The following SETX variants were observed in gnomAD, a reference collection of about 807,000 sequenced individuals.
The protein encoded by SETX is senataxin, also known as helicase senataxin.
SETX carries 90 observed loss-of-function variants against 227.2 expected under a neutral mutation model. That is an observed-to-expected ratio of 0.40 (90% CI 0.33 to 0.47). SETX has a LOEUF of 0.47. Ranked by LOEUF, SETX falls within the 20% of genes least tolerant of loss-of-function variation. The pLI is 0.91. For synonymous variants in SETX, 1,210 were observed against 1,113.2 expected (o/e 1.09, Z -1.73); for missense variants, 3,052 against 3,181.5 (o/e 0.96, Z 0.98).
chr9:132,267,961 G>T (rs773831040), intron 25 of SETX, among the ~76,000 whole-genome samples: 11 of 152,124 alleles, frequency 7.2e-5, no homozygotes, highest in Admixed American at 1.3e-4. Context: ...CTTTAATCAA[G>T]GCATCACTAA....
At chr9:132,353,044 T>C (rs956122085) in intron 2 of SETX, among the ~76,000 whole-genome samples, 1 of 152,204 alleles carries the variant, frequency 6.6e-6, no homozygotes, top group Admixed American at 6.5e-5. Context: ...AAATGATCTA[T>C]TTCTTCTTTG....
intron 23 of SETX, among the ~76,000 whole-genome samples, chr9:132,273,872 A>C (rs1843017488): frequency 6.6e-6 from 1 of 152,114 alleles, no homozygotes; most frequent in Admixed American, 6.5e-5. Context: ...ATCTCTCCTG[A>C]TCTTAGAGGA....
chr9:132,311,679 AAAT>A (rs1845667562), intron 11 of SETX, 75 bp downstream of exon 11: 4 of 1,079,216 alleles, frequency 3.7e-6, no homozygotes, highest in Admixed American at 2.0e-5. Flanking sequence ...CCCTAAATTC[AAAT>A]AATGCTATCT....
At chr9:132,349,169 C>G in intron 3 of SETX, 83 bp downstream of exon 3, 8 of 1,321,708 alleles carry the variant, frequency 6.1e-6, no homozygotes, top group Non-Finnish European at 8.7e-6. Flanking sequence ...CATCATTTCT[C>G]TGAATACTTC....
chr9:132,272,858 A>T (rs1401801044), intron 23 of SETX, among the ~76,000 whole-genome samples: 4 of 131,728 alleles, frequency 3.0e-5, no homozygotes, highest in African/African-American at 1.1e-4. Flanking sequence ...ACCACATAGT[A>T]CAAGTTATTT....
Position 132,327,290 on chromosome 9 carries a change from A to G in SETX, c.4308T>C (p.Ala1436=), listed in dbSNP as rs1285113721. The G allele has an allele frequency of 6.2e-7, 1 of 1,614,072 alleles. No individual in the cohort carries two copies. The highest frequency in any genetic ancestry group is 2.2e-5 in the East Asian group (1 of 44,888). ...AKHGSPATDD[A]CPLNQCDSVV... ...CAGAATCACACTGGTTCAAAGGGCAAGCATCATCAGTTGCTGGAGACCCAT... is the reference window on the plus strand; with the variant it reads ...CAGAATCACACTGGTTCAAAGGGCAGGCATCATCAGTTGCTGGAGACCCAT... Residue 1436 remains alanine, a synonymous_variant, in exon 10 of 26, where the codon GCT becomes GCC. Coordinates refer to ENST00000224140, the MANE Select transcript of SETX (RefSeq NM_015046.7).
At chr9:132,334,470 TA>T (rs1052863045) in intron 7 of SETX, 137 bp downstream of exon 7, 3 of 976,726 alleles carry the variant, frequency 3.1e-6, no homozygotes, top group Non-Finnish European at 3.2e-6. Flanking sequence ...CAAAACAAAA[TA>T]AAAAGTCTGA....
At chr9:132,290,839 CATAAATAA>C (rs111551397) in intron 15 of SETX, among the ~76,000 whole-genome samples, 12,694 of 151,400 alleles carry the variant, frequency 0.084, 783 homozygotes, top group African/African-American at 0.17. Context: ...AGACCAGTTT[CATAAATAA>C]ATAAATAAAT....
chr9:132,335,233 A>G (rs1230800279), intron 6 of SETX, among the ~76,000 whole-genome samples: 1 of 151,566 alleles, frequency 6.6e-6, no homozygotes, highest in Non-Finnish European at 1.5e-5. Flanking sequence ...TACTAAAAAT[A>G]CAAAAAAATT....
rs1259489075 is a variant in SETX, at chr9:132,262,815, TGAA to T, written c.*1421_*1423del. 7 of 152,512 alleles carry T rather than the reference TGAA, an allele frequency of 4.6e-5. No individual in the cohort carries two copies. The highest frequency in any genetic ancestry group is 3.9e-4 in the East Asian group (2 of 5,192). The allele number at this position is 152,512 out of a possible 1,614,324, so 9.4% of individuals were successfully genotyped here. On this transcript the variant is annotated 3_prime_UTR_variant, in exon 26 of 26. Coordinates refer to ENST00000224140, the MANE Select transcript of SETX (RefSeq NM_015046.7). Reference sequence around the variant, plus strand: ...CAAAGGAAATGTCAAATAATGCACATGAATCTTCAGCTATTTTCCTACCCCCAA... The same window carrying T: ...CAAAGGAAATGTCAAATAATGCACATTCTTCAGCTATTTTCCTACCCCCAA...
At chr9:132,311,704 G>C in intron 11 of SETX, 53 bp downstream of exon 11, 7 of 1,300,502 alleles carry the variant, frequency 5.4e-6, no homozygotes, top group Non-Finnish European at 7.7e-6. Context: ...CTCTTAATTA[G>C]AAATCTCCAA....
chr9:132,273,912 C>T (rs556023736), intron 23 of SETX, among the ~76,000 whole-genome samples: 26 of 151,566 alleles, frequency 1.7e-4, no homozygotes, highest in South Asian at 1.3e-3. Context: ...TGAAGTATAA[C>T]GTTAGCTATG....
intron 18 of SETX, among the ~76,000 whole-genome samples, chr9:132,284,847 T>C (rs1428442190): frequency 1.3e-5 from 2 of 151,912 alleles, no homozygotes; most frequent in African/African-American, 4.8e-5. Flanking sequence ...TTTTTTTTTT[T>C]AATAGTGAAA....
intron 10 of SETX, among the ~76,000 whole-genome samples, chr9:132,314,034 C>A (rs909362475): frequency 1.6e-4 from 25 of 151,970 alleles, no homozygotes; most frequent in Non-Finnish European, 3.4e-4. Context: ...TGGGTTCAAG[C>A]GATTCTCCCG....
At chr9:132,317,744 T>G (rs1321686392) in intron 10 of SETX, among the ~76,000 whole-genome samples, 2 of 152,188 alleles carry the variant, frequency 1.3e-5, no homozygotes, top group Admixed American at 1.3e-4. Context: ...ATTACAGGCA[T>G]GAGCCACTGT....
At chr9:132,345,333 G>A (rs982224516) in intron 4 of SETX, among the ~76,000 whole-genome samples, 2 of 152,188 alleles carry the variant, frequency 1.3e-5, no homozygotes, top group Non-Finnish European at 2.9e-5. Flanking sequence ...GAGTGCAGTG[G>A]CACAATCTTG....
rs1365875215 is a variant in SETX at position 132,329,352 on chromosome 9, T to A, written c.2246A>T (p.Asp749Val). Residue 749 changes from aspartate to valine, a missense_variant, in exon 10 of 26, where the codon GAT (aspartate) becomes GTT (valine). Coordinates refer to ENST00000224140, the MANE Select transcript of SETX (RefSeq NM_015046.7). The part of the protein sequence containing the change: ...GIIVSTRLLT[D>V]SSTDALEKVS... ...TTTTTCCAAAGCATCAGTGCTAGAA[T>A]CAGTCAACAAACGTGTTGATACTAT... is the stretch of plus-strand genomic sequence containing the variant. 6.2e-7 allele frequency: 1 copy of A among 1,614,030 alleles called. No homozygotes were observed. The highest frequency in any genetic ancestry group is 1.1e-5 in the South Asian group (1 of 91,080).
intron 18 of SETX, among the ~76,000 whole-genome samples, chr9:132,284,551 T>A (rs1008232562): frequency 7.2e-5 from 11 of 152,166 alleles, no homozygotes; most frequent in African/African-American, 2.4e-4. Flanking sequence ...ACAATCAGGG[T>A]ATACACCTGG....
intron 7 of SETX, among the ~76,000 whole-genome samples, chr9:132,332,555 T>C (rs1436645994): frequency 3.3e-5 from 5 of 152,226 alleles, no homozygotes; most frequent in Non-Finnish European, 7.3e-5. Flanking sequence ...TGCCTGTGTC[T>C]AATAAGCTCA....
Sources: gnomAD v4.1 joint callset for allele counts (sites outside exome capture counted in the v4.1 genomes callset) on GRCh38, gnomAD v4.1.1 for gene constraint, MANE v1.5 for transcripts, NCBI Gene and HGNC (gene_info 2026-07-23, HGNC 2026-07-21) for gene names.